COL19A1: variants seen among roughly 807,000 people sequenced by gnomAD.
The protein encoded by COL19A1 is collagen alpha-1(XIX) chain.
In COL19A1, 159 loss-of-function variants were observed where a neutral mutation model predicts 190.2. The observed-to-expected ratio is 0.84, with a 90% confidence interval of 0.73 to 0.95. The LOEUF (loss-of-function observed/expected upper bound fraction) is 0.95, where lower values mean the gene tolerates loss of function less well. Ranked by LOEUF, COL19A1 falls within the 40% of genes least tolerant of loss-of-function variation. The probability of loss-of-function intolerance (pLI) is 0.00; values close to 1 mark genes in which losing one functional copy is unlikely to be tolerated. For synonymous variants in COL19A1, 509 were observed against 458.9 expected (o/e 1.11, Z -1.39); for missense variants, 1,418 against 1,431.9 (o/e 0.99, Z 0.16).
chr6:69,896,193 C>T (rs1309954034), intron 2 of COL19A1, among the ~76,000 whole-genome samples: 3 of 152,056 alleles, frequency 2.0e-5, no homozygotes, highest in Non-Finnish European at 4.4e-5. Context: ...CTTTCTCTTG[C>T]TTCATTGAAT....
intron 15 of COL19A1, among the ~76,000 whole-genome samples, chr6:70,091,589 T>C (rs549384777): frequency 6.6e-6 from 1 of 152,302 alleles, no homozygotes; most frequent in Middle Eastern, 3.4e-3. Context: ...GGAAATTTTA[T>C]GTAGTTGAGA....
intron 12 of COL19A1, among the ~76,000 whole-genome samples, chr6:70,032,000 G>T (rs77344360): frequency 0.01 from 1,553 of 152,232 alleles, 26 homozygotes; most frequent in African/African-American, 0.035. Context: ...TAGGGGAATT[G>T]CAATAAGGGA....
intron 9 of COL19A1, 124 bp downstream of exon 9, chr6:69,938,224 CTA>C: frequency 2.2e-6 from 2 of 901,336 alleles, no homozygotes; most frequent in Non-Finnish European, 3.3e-6. Flanking sequence ...CTATCAAAGA[CTA>C]TATTAAAATG....
At chr6:70,026,595 G>C (rs113441312) in intron 12 of COL19A1, among the ~76,000 whole-genome samples, 1,572 of 152,192 alleles carry the variant, frequency 0.01, 17 homozygotes, top group African/African-American at 0.036. Flanking sequence ...TGACTAAGGA[G>C]AAATAACAAA....
At chr6:69,961,733 C>T (rs1465260293) in intron 10 of COL19A1, among the ~76,000 whole-genome samples, 1 of 151,836 alleles carries the variant, frequency 6.6e-6, no homozygotes, top group Non-Finnish European at 1.5e-5. Context: ...ATTATTTAAT[C>T]ATCTAATTAT....
Position 70,146,871 on chromosome 6 carries a change from A to G in COL19A1, c.1875A>G (p.Ile625Met), listed in dbSNP as rs1183219443. The change falls in exon 27 of 51, where the codon ATA becomes ATG. Residue 625 changes from isoleucine (I) to methionine (M), a missense_variant. Physicochemically the swap from Ile to Met is conservative, Grantham distance 10. Coordinates refer to ENST00000620364, the MANE Select transcript of COL19A1 (RefSeq NM_001858.6). ...CAGGGGACATAGGCCCACAAGGGATAGGAATTCCTGGCAGAACAGTAAGTG... is the reference window on the plus strand; with the variant it reads ...CAGGGGACATAGGCCCACAAGGGATGGGAATTCCTGGCAGAACAGTAAGTG... ...GSPGDIGPQG[I>M]GIPGRTGAQG... 1.3e-6 allele frequency: 2 copies of G among 1,587,756 alleles called. No individual in the cohort carries two copies. The highest frequency in any genetic ancestry group is 1.7e-6 in the Non-Finnish European group (2 of 1,170,138).
chr6:70,165,801 T>C (rs1188194592), intron 36 of COL19A1, 140 bp from the exon 37 acceptor site: 1 of 775,412 alleles, frequency 1.3e-6, no homozygotes, highest in African/African-American at 1.7e-5. Flanking sequence ...AGAGCCCAGC[T>C]GAATAAGACT....
intron 18 of COL19A1, 124 bp from the exon 19 acceptor site, chr6:70,137,561 C>G: frequency 1.2e-6 from 1 of 838,588 alleles, no homozygotes; most frequent in Non-Finnish European, 1.9e-6. Flanking sequence ...TTTGCATTGT[C>G]TGTTGGATGC....
At chr6:69,926,895 C>G in intron 4 of COL19A1, among the ~76,000 whole-genome samples, 1 of 151,986 alleles carries the variant, frequency 6.6e-6, no homozygotes, top group South Asian at 2.1e-4. Context: ...AAACAGAAAA[C>G]AAGAAGTTCT....
intron 31 of COL19A1, 54 bp downstream of exon 31, chr6:70,151,492 A>G: frequency 1.3e-6 from 2 of 1,565,026 alleles, no homozygotes; most frequent in Non-Finnish European, 1.8e-6. Context: ...AAAATTAGAA[A>G]GAAAAATATT....
chr6:69,953,257 G>A (rs1774224364), intron 9 of COL19A1, among the ~76,000 whole-genome samples: 1 of 151,898 alleles, frequency 6.6e-6, no homozygotes, highest in African/African-American at 2.4e-5. Context: ...AGAATCACCT[G>A]TATATCTGTG....
At chr6:70,143,232 A>G (rs188750586) in intron 23 of COL19A1, among the ~76,000 whole-genome samples, 14 of 152,276 alleles carry the variant, frequency 9.2e-5, no homozygotes, top group African/African-American at 3.4e-4. Context: ...AGCTTCTATC[A>G]TTTTCTAGCA....
intron 17 of COL19A1, among the ~76,000 whole-genome samples, chr6:70,122,848 C>A (rs80231644): frequency 0.016 from 2,454 of 152,190 alleles, 62 homozygotes; most frequent in African/African-American, 0.055. Flanking sequence ...CTCTTCAGAA[C>A]AAGGTCAACA....
chr6:70,052,192 A>G (rs983543219), intron 14 of COL19A1, among the ~76,000 whole-genome samples: 3 of 152,152 alleles, frequency 2.0e-5, no homozygotes, highest in African/African-American at 7.2e-5. Context: ...TAAACCAAGT[A>G]GTCTTTATCT....
At chr6:69,951,198 C>T (rs994761515) in intron 9 of COL19A1, among the ~76,000 whole-genome samples, 1 of 151,822 alleles carries the variant, frequency 6.6e-6, no homozygotes, top group South Asian at 2.1e-4. Context: ...GGTTTGAATT[C>T]CAGCTCAAAA....
At chr6:69,973,435 C>A (rs1775539513) in intron 11 of COL19A1, among the ~76,000 whole-genome samples, 1 of 152,074 alleles carries the variant, frequency 6.6e-6, no homozygotes, top group African/African-American at 2.4e-5. Context: ...TACTTTCTTT[C>A]ATTTTTTCGC....
intron 14 of COL19A1, among the ~76,000 whole-genome samples, chr6:70,047,413 G>A (rs1238222515): frequency 6.6e-6 from 1 of 151,936 alleles, no homozygotes; most frequent in African/African-American, 2.4e-5. Flanking sequence ...TGTATCCAAG[G>A]TCATAATGAA....
intron 9 of COL19A1, among the ~76,000 whole-genome samples, chr6:69,950,068 A>G (rs1459383531): frequency 6.6e-6 from 1 of 151,890 alleles, no homozygotes; most frequent in East Asian, 1.9e-4. Context: ...CATCAATGTC[A>G]TACTTCAATA....
intron 11 of COL19A1, among the ~76,000 whole-genome samples, chr6:69,969,942 A>G (rs1775326555): frequency 6.6e-6 from 1 of 152,210 alleles, no homozygotes; most frequent in African/African-American, 2.4e-5. Flanking sequence ...GAGGAAGCAG[A>G]AGCATATAAA....
Sources: gnomAD v4.1 joint callset for allele counts (sites outside exome capture counted in the v4.1 genomes callset) on GRCh38, gnomAD v4.1.1 for gene constraint, MANE v1.5 for transcripts, NCBI Gene and HGNC (gene_info 2026-07-23, HGNC 2026-07-21) for gene names.